GJA3: variants seen among roughly 807,000 people sequenced by gnomAD.
GJA3 encodes gap junction protein alpha 3.
For synonymous variants in GJA3, 297 were observed against 292.6 expected, an observed-to-expected ratio of 1.02 and a Z score of -0.15; for missense variants, 571 against 620.3, an observed-to-expected ratio of 0.92 and a Z score of 0.84.
At chr13:20,151,204 C>T (rs541679680) in intron 1 of GJA3, among the ~76,000 whole-genome samples, 205 of 152,224 alleles carry the variant, frequency 1.3e-3, no homozygotes, top group African/African-American at 4.3e-3. Flanking sequence ...GCTGACAAGA[C>T]TCTTGTCAGT....
intron 1 of GJA3, among the ~76,000 whole-genome samples, chr13:20,158,889 A>C (rs1958920328): frequency 2.2e-5 from 3 of 136,982 alleles, no homozygotes; most frequent in Non-Finnish European, 4.6e-5. Context: ...ATTGCACTCC[A>C]GCCTGGACAA....
chr13:20,156,823 T>C (rs934331208), intron 1 of GJA3, among the ~76,000 whole-genome samples: 7 of 152,164 alleles, frequency 4.6e-5, no homozygotes, highest in Non-Finnish European at 1.0e-4. Flanking sequence ...AGCTAGAAAA[T>C]TAACAGCTGG....
At chr13:20,150,791 C>T (rs9509059) in intron 1 of GJA3, among the ~76,000 whole-genome samples, 74,967 of 152,034 alleles carry the variant, frequency 0.49, 18,867 homozygotes, top group East Asian at 0.79. Context: ...AGCCAGGGCC[C>T]GTGGTGCTCA....
intron 1 of GJA3, among the ~76,000 whole-genome samples, chr13:20,152,487 C>T (rs551359972): frequency 1.3e-5 from 2 of 152,096 alleles, no homozygotes; most frequent in East Asian, 3.9e-4. Flanking sequence ...TGGGTTCAGG[C>T]GATTCTTGTG....
At chr13:20,153,382 C>T (rs894972362) in intron 1 of GJA3, among the ~76,000 whole-genome samples, 1 of 152,118 alleles carries the variant, frequency 6.6e-6, no homozygotes, top group Non-Finnish European at 1.5e-5. Context: ...TGGAACCAAC[C>T]CAAATGTCCA....
intron 1 of GJA3, among the ~76,000 whole-genome samples, chr13:20,153,241 A>C (rs1484195054): frequency 6.6e-6 from 1 of 152,226 alleles, no homozygotes; most frequent in Non-Finnish European, 1.5e-5. Flanking sequence ...CTTGTACTCT[A>C]TATGGCTGAC....
intron 1 of GJA3, 123 bp from the exon 2 acceptor site, chr13:20,143,428 G>C (rs1443645010): frequency 8.1e-6 from 5 of 614,394 alleles, no homozygotes; most frequent in Non-Finnish European, 1.4e-5. Context: ...TTCTCCACAG[G>C]ACAGGCATCG....
At chr13:20,146,127 C>T (rs960723894) in intron 1 of GJA3, among the ~76,000 whole-genome samples, 6 of 152,244 alleles carry the variant, frequency 3.9e-5, no homozygotes, top group Non-Finnish European at 8.8e-5. Flanking sequence ...CAGCCTCATA[C>T]TTGCTCCAGC....
At position 20,154,597 on chromosome 13, in the gene GJA3, G is replaced by A. The variant is rs527510012; in HGVS notation, c.-18+6293C>T. Among the ~76,000 whole-genome samples the A allele has an allele frequency of 7.9e-5, 12 of 152,060 alleles. No individual in the cohort carries two copies. In the South Asian group the frequency reaches 1.7e-3, roughly 21 times the overall value. ...CTGGCCAGGACTTCTAGCATAATACGGTGTGGTAACATATTTTCTTGTTTC... is the reference window on the plus strand; with the variant it reads ...CTGGCCAGGACTTCTAGCATAATACAGTGTGGTAACATATTTTCTTGTTTC... On this transcript the variant is annotated intron_variant, in intron 1 of 1. Transcript: ENST00000241125.
rs1314893934 is a variant in GJA3 at position 20,142,580 on chromosome 13, G to A, written c.709C>T (p.Arg237Cys). Residue 237 changes from arginine (R) to cysteine (C), a missense_variant, in exon 2 of 2, where the codon CGC becomes TGC. Arg to Cys is a radical substitution (Grantham distance 180). Coordinates refer to ENST00000241125, the MANE Select transcript of GJA3 (RefSeq NM_021954.4). The part of the protein sequence containing the change: ...WKKLKQGVTS[R>C]LGPDASEAPL... The stretch of plus-strand genomic sequence containing the variant: ...GCCTCGGAGGCGTCCGGGCCGAGGC[G>A]GCTGGTCACGCCCTGCTTGAGCTTC... 2 of 1,605,178 alleles carry A rather than the reference G, an allele frequency of 1.2e-6. No individual in the cohort carries two copies. The highest frequency in any genetic ancestry group is 1.7e-5 in the Admixed American group (1 of 58,558).
chr13:20,152,411 G>T (rs1958883837), intron 1 of GJA3, among the ~76,000 whole-genome samples: 1 of 152,002 alleles, frequency 6.6e-6, no homozygotes, highest in South Asian at 2.1e-4. Flanking sequence ...TTGAGACAGG[G>T]TCTCCCTCTG....
Position 20,143,263 on chromosome 13 carries a change from C to T in GJA3, c.26G>A (p.Arg9Lys), listed in dbSNP as rs745413947. 2.2e-5 allele frequency: 34 copies of T among 1,523,802 alleles called. No individual in the cohort carries two copies. The South Asian group carries it at 4.2e-4, about 19-fold the overall frequency. The allele number at this position is 1,523,802 out of a possible 1,614,324, so 94.4% of individuals were successfully genotyped here. A position where few individuals can be genotyped will look rare whatever the true frequency, so the allele number is the denominator to read the frequency against. Residue 9 changes from arginine (R) to lysine (K), a missense_variant, in exon 2 of 2, where the codon AGA becomes AAA. By Grantham distance (26) the Arg-to-Lys change is conservative (BLOSUM62 2). Transcript: ENST00000241125. ...GTGCTCCTGTGCATTTTCTAAGAGT[C>T]TTCCCAGAAAGCTCCAGTCGCCCAT... Reference protein sequence around the residue: MGDWSFLGRLLENAQEHST... With the variant: MGDWSFLGKLLENAQEHST...
At chr13:20,147,635 T>A (rs944686753) in intron 1 of GJA3, among the ~76,000 whole-genome samples, 2 of 152,226 alleles carry the variant, frequency 1.3e-5, no homozygotes, top group African/African-American at 4.8e-5. Flanking sequence ...GTGATTTTTC[T>A]TTTCACAGTT....
At chr13:20,143,538 C>T (rs1308920024) in intron 1 of GJA3, among the ~76,000 whole-genome samples, 7 of 152,210 alleles carry the variant, frequency 4.6e-5, no homozygotes, top group Admixed American at 2.0e-4. Context: ...GAAGCCAGAG[C>T]CAGAAGAGAA....
chr13:20,155,202 C>A (rs1409317800), intron 1 of GJA3, among the ~76,000 whole-genome samples: 1 of 152,172 alleles, frequency 6.6e-6, no homozygotes, highest in African/African-American at 2.4e-5. Context: ...TTTGCTACTA[C>A]TTTATTTTCG....
intron 1 of GJA3, among the ~76,000 whole-genome samples, chr13:20,155,143 G>A (rs531365203): frequency 6.6e-6 from 1 of 152,204 alleles, no homozygotes; most frequent in South Asian, 2.1e-4. Context: ...ACAAGTGTGA[G>A]CCACCACGCC....
At chr13:20,146,525 T>A (rs139798329) in intron 1 of GJA3, among the ~76,000 whole-genome samples, 175 of 152,338 alleles carry the variant, frequency 1.1e-3, no homozygotes, top group African/African-American at 3.8e-3. Context: ...TTGCGACCTC[T>A]GAGTGCAACC....
chr13:20,150,204 G>A (rs1350663276), intron 1 of GJA3, among the ~76,000 whole-genome samples: 1 of 152,224 alleles, frequency 6.6e-6, no homozygotes, highest in Non-Finnish European at 1.5e-5. Flanking sequence ...AGGTGAGGGG[G>A]TGGCTGTGAA....
At chr13:20,151,744 G>A (rs1958879030) in intron 1 of GJA3, among the ~76,000 whole-genome samples, 1 of 152,160 alleles carries the variant, frequency 6.6e-6, no homozygotes, top group Non-Finnish European at 1.5e-5. Flanking sequence ...ACAGGCCACA[G>A]CAGATGGGAA....
Sources: allele counts gnomAD v4.1 joint callset (sites outside exome capture counted in the v4.1 genomes callset), GRCh38; gene constraint gnomAD v4.1.1; transcripts MANE v1.5; gene names NCBI Gene and HGNC (gene_info 2026-07-23, HGNC 2026-07-21).